The following CNTN5 variants were observed in gnomAD, a reference collection of about 807,000 sequenced individuals.
CNTN5 encodes contactin-5.
A neutral mutation model predicts 129.1 loss-of-function variants in CNTN5; 77 were observed. The ratio of observed to expected loss-of-function variants is 0.60; its 90% CI spans 0.50 to 0.72. The LOEUF is 0.72. Among genes scored for constraint, CNTN5 ranks in the 30% least tolerant of loss-of-function variants. CNTN5 has a pLI of 0.00. For missense variants in CNTN5, 1,478 were observed against 1,328.8 expected (o/e 1.11, Z -1.75); for synonymous variants, 509 against 465.6 (o/e 1.09, Z -1.20).
chr11:99,699,407 T>C (rs924713510), intron 3 of CNTN5, among the ~76,000 whole-genome samples: 3 of 151,556 alleles, frequency 2.0e-5, no homozygotes, highest in African/African-American at 7.2e-5. Flanking sequence ...AAAATAACTT[T>C]CTTTATAACA....
intron 2 of CNTN5, among the ~76,000 whole-genome samples, chr11:99,325,924 AG>A (rs1481487677): frequency 6.6e-6 from 1 of 152,206 alleles, no homozygotes; most frequent in Non-Finnish European, 1.5e-5. Context: ...CAATGCTTAA[AG>A]TTAAATAAGC....
intron 3 of CNTN5, among the ~76,000 whole-genome samples, chr11:99,732,142 A>T (rs746346737): frequency 8.5e-5 from 13 of 152,216 alleles, no homozygotes; most frequent in African/African-American, 3.1e-4. Context: ...CTGATAGGCA[A>T]AGGATTTAAA....
intron 2 of CNTN5, among the ~76,000 whole-genome samples, chr11:99,544,415 TTTA>T (rs1389514509): frequency 6.8e-6 from 1 of 146,266 alleles, no homozygotes; most frequent in African/African-American, 2.5e-5. Context: ...AAATGTGCTA[TTTA>T]TACTATGTAG....
intron 1 of CNTN5, among the ~76,000 whole-genome samples, chr11:99,238,252 A>C (rs1001685457): frequency 6.6e-6 from 1 of 152,200 alleles, no homozygotes; most frequent in African/African-American, 2.4e-5. Flanking sequence ...GCAAAAGTCA[A>C]TTTGGCTTAA....
intron 1 of CNTN5, among the ~76,000 whole-genome samples, chr11:99,249,605 T>C (rs1159833208): frequency 1.3e-5 from 2 of 152,052 alleles, no homozygotes; most frequent in African/African-American, 2.4e-5. Flanking sequence ...TTCTAGGTTT[T>C]TAAAAAGGGT....
intron 1 of CNTN5, among the ~76,000 whole-genome samples, chr11:99,253,502 A>G (rs1862220585): frequency 6.6e-6 from 1 of 151,958 alleles, no homozygotes; most frequent in Non-Finnish European, 1.5e-5. Flanking sequence ...TTAAGAGTTT[A>G]TTTTGTTGCT....
chr11:100,037,103 G>T (rs1196556006), intron 9 of CNTN5, among the ~76,000 whole-genome samples: 1 of 151,816 alleles, frequency 6.6e-6, no homozygotes, highest in African/African-American at 2.4e-5. Context: ...TTGGCTGTGG[G>T]TTTGTCATGG....
intron 1 of CNTN5, among the ~76,000 whole-genome samples, chr11:99,243,700 T>A (rs1490605216): frequency 1.3e-5 from 2 of 151,752 alleles, no homozygotes; most frequent in South Asian, 2.1e-4. Context: ...TATCCCAGTA[T>A]CTTTTATTCA....
At chr11:99,754,823 T>C (rs1944355848) in intron 3 of CNTN5, among the ~76,000 whole-genome samples, 2 of 152,176 alleles carry the variant, frequency 1.3e-5, no homozygotes, top group African/African-American at 2.4e-5. Flanking sequence ...GCACATTCTA[T>C]GGGTTTTGAC....
intron 1 of CNTN5, among the ~76,000 whole-genome samples, chr11:99,077,360 G>A (rs956390702): frequency 2.3e-4 from 35 of 152,182 alleles, no homozygotes; most frequent in African/African-American, 8.4e-4. Flanking sequence ...ACATTGACCT[G>A]AGGATATTTA....
intron 15 of CNTN5, among the ~76,000 whole-genome samples, chr11:100,206,331 C>G (rs1470604324): frequency 3.3e-5 from 5 of 152,002 alleles, no homozygotes; most frequent in Non-Finnish European, 7.4e-5. Context: ...AAATAATGAT[C>G]TTATAGTTAA....
At chr11:100,005,025 G>C (rs773141903) in intron 9 of CNTN5, among the ~76,000 whole-genome samples, 6 of 152,242 alleles carry the variant, frequency 3.9e-5, no homozygotes, top group Non-Finnish European at 8.8e-5. Flanking sequence ...AAGGTGACAG[G>C]CAAGGGAGGA....
At chr11:99,101,544 C>T (rs1483685493) in intron 1 of CNTN5, among the ~76,000 whole-genome samples, 13 of 152,202 alleles carry the variant, frequency 8.5e-5, no homozygotes, top group Non-Finnish European at 1.9e-4. Context: ...ATACAGCTGT[C>T]CCAAATGAGA....
intron 3 of CNTN5, among the ~76,000 whole-genome samples, chr11:99,577,229 C>T (rs985168226): frequency 6.6e-6 from 1 of 152,150 alleles, no homozygotes; most frequent in Non-Finnish European, 1.5e-5. Context: ...GGAGAAATGT[C>T]CAGCACTTTT....
chr11:100,049,933 TCA>T (rs932000534), intron 9 of CNTN5, among the ~76,000 whole-genome samples: 3 of 152,138 alleles, frequency 2.0e-5, no homozygotes, highest in African/African-American at 7.2e-5. Context: ...AGATACCATC[TCA>T]CACCAGTTAG....
chr11:99,388,374 C>A (rs1039367869), intron 2 of CNTN5, among the ~76,000 whole-genome samples: 3 of 142,930 alleles, frequency 2.1e-5, no homozygotes, highest in African/African-American at 5.3e-5. Flanking sequence ...GAGATCACAC[C>A]ATTGCACTTC....
At chr11:100,135,997 C>T (rs1043648456) in intron 13 of CNTN5, among the ~76,000 whole-genome samples, 1 of 152,058 alleles carries the variant, frequency 6.6e-6, no homozygotes, top group African/African-American at 2.4e-5. Flanking sequence ...TCACCATTAT[C>T]TGGAAGTTCA....
rs372952164 is a variant in CNTN5 at position 99,374,245 on chromosome 11, T to A, written c.-71+48761T>A. ...CAGCACATCTATTTCTAACTTCACA[T>A]TTGTTTTCTCTGCAAGATAATATTA... On this transcript the variant is annotated intron_variant, in intron 2 of 24. Coordinates refer to ENST00000524871, the MANE Select transcript of CNTN5 (RefSeq NM_014361.4). Among the ~76,000 whole-genome samples the A allele has an allele frequency of 2.0e-5, 3 of 152,202 alleles. No homozygotes were observed. The South Asian group carries it at 6.2e-4, about 31-fold the overall frequency.
chr11:99,384,240 G>A (rs1486296785), intron 2 of CNTN5, among the ~76,000 whole-genome samples: 1 of 152,154 alleles, frequency 6.6e-6, no homozygotes, highest in Non-Finnish European at 1.5e-5. Context: ...GTGCTTTAAT[G>A]CAAGCCTGTT....
Sources: allele counts gnomAD v4.1 joint callset (sites outside exome capture counted in the v4.1 genomes callset), GRCh38; gene constraint gnomAD v4.1.1; transcripts MANE v1.5; gene names NCBI Gene and HGNC (gene_info 2026-07-23, HGNC 2026-07-21).